Variants in SPDYC observed in about 807,000 individuals in gnomAD.
The protein encoded by SPDYC is speedy/RINGO cell cycle regulator family member C.
In SPDYC, 25 loss-of-function variants were observed where a neutral mutation model predicts 33.9. The observed-to-expected ratio is 0.74, with a 90% CI of 0.54 to 1.03. SPDYC has a LOEUF of 1.03. SPDYC is among the 50% of genes least tolerant of loss of function. SPDYC has a pLI of 0.00. For missense variants in SPDYC, 349 were observed against 382.9 expected, an observed-to-expected ratio of 0.91 and a Z score of 0.74; for synonymous variants, 133 against 140.2, an observed-to-expected ratio of 0.95 and a Z score of 0.36.
At chr11:65,172,626 G>A in intron 5 of SPDYC, 21 bp downstream of exon 5, 1 of 1,556,210 alleles carries the variant, frequency 6.4e-7, no homozygotes, top group South Asian at 1.2e-5. Context: ...GAGGCAACCT[G>A]GGGTGTGGGG....
At chr11:65,170,490 A>G (rs1201731455) in intron 1 of SPDYC, among the ~76,000 whole-genome samples, 1 of 151,968 alleles carries the variant, frequency 6.6e-6, no homozygotes, top group East Asian at 1.9e-4. Context: ...TGAGGGCCTC[A>G]GTTTCCCCTC....
At chr11:65,170,756 G>A (rs574470895) in intron 1 of SPDYC, among the ~76,000 whole-genome samples, 42 of 152,230 alleles carry the variant, frequency 2.8e-4, no homozygotes, top group African/African-American at 1.0e-3. Context: ...CATGGCGCAT[G>A]CCTGTAATCC....
At chr11:65,171,472 G>C in exon 2 of SPDYC, 1 of 1,592,800 alleles carries the variant, frequency 6.3e-7, no homozygotes, top group Non-Finnish European at 8.5e-7. Flanking sequence ...CCAGCACCAG[G>C]AGGTCCAGGC....
chr11:65,171,285 C>A, intron 1 of SPDYC, 42 bp from the exon 2 acceptor site: 6 of 1,573,108 alleles, frequency 3.8e-6, no homozygotes, highest in Non-Finnish European at 4.3e-6. Flanking sequence ...TTGTGAGCAT[C>A]ACGGGGGTAC....
exon 1 of SPDYC, chr11:65,170,241 C>T (rs900166275): frequency 1.3e-5 from 20 of 1,579,014 alleles, no homozygotes; most frequent in Admixed American, 3.5e-5. Context: ...GTGTTATGCT[C>T]TGGGCCATTC....
At chr11:65,172,436 A>T in exon 5 of SPDYC, 1 of 1,604,098 alleles carries the variant, frequency 6.2e-7, no homozygotes, top group Non-Finnish European at 8.5e-7. Context: ...GTGGCTAGGT[A>T]CCTTGCAAAC....
intron 1 of SPDYC, among the ~76,000 whole-genome samples, chr11:65,170,480 T>C (rs2137287199): frequency 6.6e-6 from 1 of 152,302 alleles, no homozygotes; most frequent in East Asian, 1.9e-4. Flanking sequence ...CATTCCTCCC[T>C]GAGGGCCTCA....
Position 65,172,752 on chromosome 11 carries a change from GA to G in SPDYC, c.586del (p.Arg196GlyfsTer45), listed in dbSNP as rs1565374704. 1.2e-6 allele frequency: 2 copies of G among 1,613,830 alleles called. No individual in the cohort carries two copies. The highest frequency in any genetic ancestry group is 2.7e-5 in the African/African-American group (2 of 74,902). On this transcript the variant is annotated frameshift_variant, in exon 6 of 7. Coordinates refer to ENST00000377185, the Ensembl canonical transcript of SPDYC. LOFTEE classifies it high-confidence loss of function. ...GGCGCCCCCACCATGGTGGGGTTCA[GA>G]GGGTCTGTCCACAGGTCCCTGTTCG...
chr11:65,172,624 C>T lies in SPDYC; in HGVS notation c.516+19C>T. 6.4e-7 allele frequency: 1 copy of T among 1,555,800 alleles called. No homozygotes were observed. The highest frequency in any genetic ancestry group is 8.7e-7 in the Non-Finnish European group (1 of 1,150,086). ...TGAGGAGGTGAGGCTGGGAGGCAAC[C>T]TGGGGTGTGGGGAAGGCTGGGGTTC... On this transcript the variant is annotated intron_variant, in intron 5 of 6. Transcript: ENST00000377185.
intron 2 of SPDYC, 77 bp downstream of exon 2, chr11:65,171,576 G>A (rs1289695075): frequency 1.4e-5 from 19 of 1,405,524 alleles, no homozygotes; most frequent in Non-Finnish European, 1.5e-5. Context: ...GGTCTCACCT[G>A]CCTGTACAGA....
At chr11:65,171,230 C>A in intron 1 of SPDYC, 97 bp from the exon 2 acceptor site, 1 of 1,361,298 alleles carries the variant, frequency 7.3e-7, no homozygotes, top group Non-Finnish European at 9.9e-7. Flanking sequence ...CAAGTCTCTG[C>A]ACCCACCCCT....
chr11:65,171,879 G>A, intron 2 of SPDYC, 64 bp from the exon 3 acceptor site: 1 of 1,478,606 alleles, frequency 6.8e-7, no homozygotes. Context: ...TGGAGCTTCT[G>A]ATGCCACTCT....
intron 2 of SPDYC, 74 bp downstream of exon 2, chr11:65,171,573 C>T: frequency 2.8e-6 from 4 of 1,406,352 alleles, no homozygotes; most frequent in Non-Finnish European, 3.8e-6. Flanking sequence ...TGGGGTCTCA[C>T]CTGCCTGTAC....
chr11:65,172,350 C>G lies in SPDYC; in HGVS notation c.344+19C>G. On this transcript the variant is annotated intron_variant, in intron 4 of 6. Transcript: ENST00000377185. ...TGGCCCTGTGAGTGGTGGGGGCAGG[C>G]AGTGGAGGCATTTGCTGGAGGTGTC... 3 of 1,614,080 alleles carry G rather than the reference C, an allele frequency of 1.9e-6. No individual in the cohort carries two copies. The highest frequency in any genetic ancestry group is 2.5e-6 in the Non-Finnish European group (3 of 1,180,004).
Position 65,171,157 on chromosome 11 carries a change from C to G in SPDYC, c.27-170C>G, listed in dbSNP as rs75945954. 9.2e-3 allele frequency among the ~76,000 whole-genome samples: 1,394 copies of G among 152,126 alleles called. 23 individuals carry two copies. Among genetic ancestry groups the G allele is most frequent in the African/African-American group, 0.031 (1,295 of 41,474 alleles). Reference sequence around the variant, plus strand: ...TGCCACACCCTCACCTATAGCAACTCTTTGCTTCTTTTCTGGCCTCCCCAC... The same window carrying G: ...TGCCACACCCTCACCTATAGCAACTGTTTGCTTCTTTTCTGGCCTCCCCAC... On this transcript the variant is annotated intron_variant, in intron 1 of 6. Coordinates refer to ENST00000377185, the Ensembl canonical transcript of SPDYC.
In SPDYC at chr11:65,173,214, C is replaced by T. The variant is rs1186590181; in HGVS notation, c.879C>T (p.His293=). The T allele has an allele frequency of 1.9e-6, 3 of 1,613,964 alleles. No homozygotes were observed. The Admixed American group carries it at 5.0e-5, about 27-fold the overall frequency. The stretch of plus-strand genomic sequence containing the variant: ...CAAAGCCTCCGGCACGCCCTGGGCA[C>T]TGAAGCTCTGCAGGGTGAAGAACAG... Residue 293 remains histidine, a synonymous_variant, in exon 7 of 7, where the codon CAC becomes CAT. Transcript: ENST00000377185.
chr11:65,173,065 G>A, intron 6 of SPDYC, 51 bp downstream of exon 6: 1 of 1,599,656 alleles, frequency 6.3e-7, no homozygotes, highest in Non-Finnish European at 8.5e-7. Flanking sequence ...AGCTTGGGAG[G>A]CAGGAGTGAG....
Position 65,170,271 on chromosome 11 carries a change from G to C in SPDYC, c.26+10G>C, listed in dbSNP as rs769985774. 5.1e-6 allele frequency: 8 copies of C among 1,577,550 alleles called. No individual in the cohort carries two copies. The African/African-American group carries it at 1.1e-4, about 22-fold the overall frequency. The stretch of plus-strand genomic sequence containing the variant: ...CCATTCCTGAGCTCGGGTAAGGCTC[G>C]CTGCAGGAGGAGGCTGGGTTGCTTG... On this transcript the variant is annotated intron_variant, in intron 1 of 6. Coordinates refer to ENST00000377185, the Ensembl canonical transcript of SPDYC.
Position 65,173,044 on chromosome 11 carries a change from G to C in SPDYC, c.847+30G>C, listed in dbSNP as rs369383569. ...GTGCAGGATGGGACAGGAGCTGGGGGCTGGTGTGGGAGCTTGGGAGGCAGG... is the reference window on the plus strand; with the variant it reads ...GTGCAGGATGGGACAGGAGCTGGGGCCTGGTGTGGGAGCTTGGGAGGCAGG... On this transcript the variant is annotated intron_variant, in intron 6 of 6. Transcript: ENST00000377185. 14 of 1,606,056 alleles carry C rather than the reference G, an allele frequency of 8.7e-6. No homozygotes were observed. The African/African-American group carries it at 1.9e-4, about 21-fold the overall frequency.
Sources: gnomAD v4.1 joint callset for allele counts (sites outside exome capture counted in the v4.1 genomes callset) on GRCh38, gnomAD v4.1.1 for gene constraint, MANE v1.5 for transcripts, NCBI Gene and HGNC (gene_info 2026-07-23, HGNC 2026-07-21) for gene names.